EZH1: variants seen among roughly 807,000 people sequenced by gnomAD.
EZH1 encodes the protein enhancer of zeste 1 polycomb repressive complex 2 subunit, also known as histone-lysine N-methyltransferase EZH1.
EZH1 carries 33 observed loss-of-function variants against 100.5 expected under a neutral mutation model. The observed-to-expected ratio is 0.33, with a 90% CI of 0.25 to 0.44. The LOEUF (loss-of-function observed/expected upper bound fraction) is 0.44, where lower values mean the gene tolerates loss of function less well. Among genes scored for constraint, EZH1 ranks in the 20% least tolerant of loss-of-function variants. The pLI, the probability that EZH1 is intolerant of heterozygous loss-of-function variation, is 1.00. For missense variants in EZH1, 475 were observed against 928.4 expected, an observed-to-expected ratio of 0.51 and a Z score of 6.35; for synonymous variants, 272 against 313.8, an observed-to-expected ratio of 0.87 and a Z score of 1.41.
chr17:42,708,560 C>T (rs2053408852), intron 14 of EZH1, among the ~76,000 whole-genome samples: 1 of 152,190 alleles, frequency 6.6e-6, no homozygotes, highest in Admixed American at 6.5e-5. Context: ...GAAGCTGAGG[C>T]AGGAGAATTG....
chr17:42,743,816 T>A (rs1003493945), intron 1 of EZH1, among the ~76,000 whole-genome samples: 7 of 152,134 alleles, frequency 4.6e-5, no homozygotes, highest in Admixed American at 3.9e-4. Context: ...TAATCTCTTT[T>A]ATCAGTGGCA....
intron 1 of EZH1, among the ~76,000 whole-genome samples, chr17:42,733,032 C>CAAAAAAA (rs35232752): frequency 1.9e-5 from 2 of 103,244 alleles, no homozygotes; most frequent in Non-Finnish European, 2.0e-5. Context: ...ACCATCTCTA[C>CAAAAAAA]AAAAAAAAAA....
At position 42,724,418 on chromosome 17, in the gene EZH1, T is replaced by C. The variant is rs1335187211; in HGVS notation, c.253A>G (p.Ile85Val). The C allele has an allele frequency of 6.2e-7, 1 of 1,613,790 alleles. No homozygotes were observed. Among genetic ancestry groups the C allele is most frequent in the South Asian group, 1.1e-5 (1 of 91,080 alleles). The change falls in exon 5 of 21, where the codon ATA becomes GTA. Residue 85 changes from isoleucine to valine, a missense_variant. This residue lies in a region of EZH1 where 105 missense variants were observed against 129.8 expected (regional missense o/e 0.81). Transcript: ENST00000428826. ...GCAAATCCCGGGAAAATGCTCTCTATGGTACACTGAAATATAAGCAATGAC... is the reference window on the plus strand; with the variant it reads ...GCAAATCCCGGGAAAATGCTCTCTACGGTACACTGAAATATAAGCAATGAC... Reference protein sequence around the residue: ...SGHPFLKKCTIESIFPGFASQ... With the variant: ...SGHPFLKKCTVESIFPGFASQ...
chr17:42,726,558 C>T (rs1193652754), intron 4 of EZH1, among the ~76,000 whole-genome samples: 1 of 151,458 alleles, frequency 6.6e-6, no homozygotes, highest in South Asian at 2.1e-4. Context: ...GTTGCCCAGG[C>T]TGAAGTACAA....
At position 42,745,035 on chromosome 17, in the gene EZH1, G is replaced by T. The variant is rs752607985; in HGVS notation, c.-127C>A. On this transcript the variant is annotated 5_prime_UTR_variant, in exon 1 of 21. Coordinates refer to ENST00000428826, the MANE Select transcript of EZH1 (RefSeq NM_001991.5). ...CCCTCCATCCCGAGCCGCGGGTCCC[G>T]CTGCTAGGACGCATGCGCGCCGCGG... is the stretch of plus-strand genomic sequence containing the variant. 7.1e-6 allele frequency: 9 copies of T among 1,270,952 alleles called. No individual in the cohort carries two copies. The highest frequency in any genetic ancestry group is 9.2e-6 in the Non-Finnish European group (9 of 981,326). 78.7% of individuals were successfully genotyped at this position (1,270,952 alleles called of 1,614,324 possible).
At position 42,728,904 on chromosome 17, in the gene EZH1, G is replaced by C; in HGVS notation, c.38C>G (p.Thr13Ser). ...IPNPPTSKCI[T>S]YWKRKVKSEY... ...AGATTTCACTTTTCTTTTCCAGTAA[G>C]TGATACATTTGGAGGTAGGGGGATT... is the stretch of plus-strand genomic sequence containing the variant. The change falls in exon 3 of 21, where the codon ACT (threonine) becomes AGT (serine). Residue 13 changes from threonine to serine, a missense_variant. By Grantham distance (58) the Thr-to-Ser change is moderately conservative. Transcript: ENST00000428826. 6.2e-7 allele frequency: 1 copy of C among 1,613,502 alleles called. No individual in the cohort carries two copies. The highest frequency in any genetic ancestry group is 8.5e-7 in the Non-Finnish European group (1 of 1,179,812).
At chr17:42,734,714 C>T (rs1010627908) in intron 1 of EZH1, among the ~76,000 whole-genome samples, 1 of 148,180 alleles carries the variant, frequency 6.7e-6, no homozygotes, top group Admixed American at 6.8e-5. Context: ...GAAGGAAGGG[C>T]TGGGCGCAGT....
At chr17:42,731,134 T>A (rs78262641) in intron 1 of EZH1, among the ~76,000 whole-genome samples, 1 of 151,892 alleles carries the variant, frequency 6.6e-6, no homozygotes, top group African/African-American at 2.4e-5. Context: ...TTTTTTTTTT[T>A]AAAGACAGAG....
In EZH1 at chr17:42,709,826, C is replaced by G. The variant is rs761434817; in HGVS notation, c.1493+20G>C. On this transcript the variant is annotated intron_variant, in intron 13 of 20. Transcript: ENST00000428826. The stretch of plus-strand genomic sequence containing the variant: ...AACAGCCTGGCTGTAAAACAAAACA[C>G]TTTGTCCAACCCTTCTTGCCTGTGC... 1.9e-6 allele frequency: 3 copies of G among 1,612,988 alleles called. No individual in the cohort carries two copies. Among genetic ancestry groups the G allele is most frequent in the Non-Finnish European group, 2.5e-6 (3 of 1,179,012 alleles).
At chr17:42,703,017 A>G in intron 19 of EZH1, 56 bp from the exon 20 acceptor site, 2 of 1,541,206 alleles carry the variant, frequency 1.3e-6, no homozygotes, top group African/African-American at 1.4e-5. Flanking sequence ...GTCAATAACC[A>G]GTAGGCTTCT....
intron 12 of EZH1, 47 bp from the exon 13 acceptor site, chr17:42,709,984 C>A: frequency 1.3e-6 from 2 of 1,574,460 alleles, no homozygotes; most frequent in South Asian, 1.1e-5. Flanking sequence ...GCAAGGGGGT[C>A]AGGTAAGTGG....
At position 42,724,386 on chromosome 17, in the gene EZH1, T is replaced by C. The variant is rs777539005; in HGVS notation, c.285A>G (p.Gln95=). 1 of 1,614,034 alleles carries C rather than the reference T, an allele frequency of 6.2e-7. No homozygotes were observed. Among genetic ancestry groups the C allele is most frequent in the African/African-American group, 1.3e-5 (1 of 74,944 alleles). ...TGTTCAGTGACCTCATTAACATATG[T>C]TGGCTTGCAAATCCCGGGAAAATGC... ...IESIFPGFAS[Q]HMLMRSLNTV... The change falls in exon 5 of 21, where the codon CAA becomes CAG. Residue 95 remains glutamine (Q), a synonymous_variant. Coordinates refer to ENST00000428826, the MANE Select transcript of EZH1 (RefSeq NM_001991.5).
chr17:42,716,677 T>C (rs1291241507), intron 10 of EZH1, among the ~76,000 whole-genome samples: 1 of 152,108 alleles, frequency 6.6e-6, no homozygotes, highest in African/African-American at 2.4e-5. Flanking sequence ...TATATTTTTT[T>C]AAGGATGAAG....
chr17:42,730,519 C>A (rs1256890280), intron 2 of EZH1, among the ~76,000 whole-genome samples: 1 of 84,706 alleles, frequency 1.2e-5, no homozygotes, highest in Non-Finnish European at 2.0e-5. Context: ...TTTTTTGAGA[C>A]GGAGTCTCGC....
chr17:42,714,783 C>A (rs2143766928), intron 10 of EZH1: 1 of 166,758 alleles, frequency 6.0e-6, no homozygotes, highest in South Asian at 1.5e-4. Context: ...ATTAACTGAA[C>A]CTGATATTAT....
At chr17:42,741,934 G>A (rs535932799) in intron 1 of EZH1, among the ~76,000 whole-genome samples, 1 of 151,752 alleles carries the variant, frequency 6.6e-6, no homozygotes, top group African/African-American at 2.4e-5. Flanking sequence ...CAAGTGATTC[G>A]CCCACCTCGG....
chr17:42,704,420 A>G (rs985810004), intron 18 of EZH1, among the ~76,000 whole-genome samples, 182 bp downstream of exon 18: 2 of 152,120 alleles, frequency 1.3e-5, no homozygotes, highest in African/African-American at 4.8e-5. Flanking sequence ...AGGTGCTTGT[A>G]GTCCCAGCTA....
intron 1 of EZH1, among the ~76,000 whole-genome samples, chr17:42,735,838 A>G (rs887626514): frequency 1.3e-5 from 2 of 152,166 alleles, no homozygotes; most frequent in Non-Finnish European, 2.9e-5. Context: ...ATACAAAATT[A>G]GCCAGGCGTG....
Position 42,704,672 on chromosome 17 carries a change from C to T in EZH1, c.1947G>A (p.Gln649=), listed in dbSNP as rs373115488. Residue 649 remains glutamine (Q), a synonymous_variant, in exon 18 of 21, where the codon CAG becomes CAA. Coordinates refer to ENST00000428826, the MANE Select transcript of EZH1 (RefSeq NM_001991.5). ...ISEYCGELIS[Q]DEADRRGKVY... ...CCTTTCCGCGTCGATCAGCCTCATC[C>T]TGAGAGATGAGCTAGAGAGATAGAC... is the stretch of plus-strand genomic sequence containing the variant. 472 of 1,613,650 alleles carry T rather than the reference C, an allele frequency of 2.9e-4. 1 individual carries two copies. Among genetic ancestry groups the T allele is most frequent in the Non-Finnish European group, 3.6e-4 (429 of 1,179,832 alleles).
Sources: gnomAD v4.1 joint callset for allele counts (sites outside exome capture counted in the v4.1 genomes callset) on GRCh38, gnomAD v4.1.1 for gene constraint, gnomAD v4.1.1 regional missense constraint, MANE v1.5 for transcripts, NCBI Gene and HGNC (gene_info 2026-07-23, HGNC 2026-07-21) for gene names.